ABCA4: variants seen among roughly 807,000 people sequenced by gnomAD.
The protein encoded by ABCA4 is ATP binding cassette subfamily A member 4.
In ABCA4, 196 loss-of-function variants were observed where a neutral mutation model predicts 263.7. That is an observed-to-expected ratio of 0.74 (90% CI 0.66 to 0.84). The LOEUF is 0.84. Among genes scored for constraint, ABCA4 ranks in the 40% least tolerant of loss-of-function variants. The pLI is 0.00. For missense variants in ABCA4, 2,792 were observed against 2,855.1 expected (o/e 0.98, Z 0.50); for synonymous variants, 1,133 against 1,094.2 (o/e 1.04, Z -0.70).
Position 93,992,959 on chromosome 1 carries a change from T to A in ABCA4, c.*278A>T, listed in dbSNP as rs1236325681. The A allele has an allele frequency of 1.1e-5, 6 of 523,382 alleles. No individual in the cohort carries two copies. Among genetic ancestry groups the A allele is most frequent in the African/African-American group, 1.9e-5 (1 of 52,256 alleles). 32.4% of individuals were successfully genotyped at this position (523,382 alleles called of 1,614,324 possible). ...AGAGCAATATGGAGGCCAAAGCTGC[T>A]AGTGGGATGGCCCGGGGTTTCTAGT... On this transcript the variant is annotated 3_prime_UTR_variant, in exon 50 of 50. Coordinates refer to ENST00000370225, the MANE Select transcript of ABCA4 (RefSeq NM_000350.3).
intron 38 of ABCA4, among the ~76,000 whole-genome samples, chr1:94,012,913 G>GCA (rs1659592096): frequency 6.6e-6 from 1 of 152,186 alleles, no homozygotes. Context: ...ATCTCACACG[G>GCA]GCCGGCAGCT....
intron 38 of ABCA4, among the ~76,000 whole-genome samples, chr1:94,013,147 G>A (rs1659599214): frequency 6.6e-6 from 1 of 152,216 alleles, no homozygotes; most frequent in Non-Finnish European, 1.5e-5. Flanking sequence ...TGAGCCTGTG[G>A]CAAACACAGC....
chr1:94,046,540 A>G (rs916226439), intron 19 of ABCA4, among the ~76,000 whole-genome samples: 13 of 151,670 alleles, frequency 8.6e-5, no homozygotes, highest in Non-Finnish European at 1.6e-4. Context: ...GACAGTGGCC[A>G]TGACTTGATC....
intron 49 of ABCA4, among the ~76,000 whole-genome samples, chr1:93,994,915 T>C (rs557520272): frequency 5.3e-5 from 8 of 152,304 alleles, no homozygotes; most frequent in South Asian, 2.1e-4. Context: ...GGGGAGACCA[T>C]TGGTAATTCT....
rs281865386 is a variant in ABCA4 at position 94,078,579 on chromosome 1, A to ACC, written c.1356+9_1356+10dup. 3.4e-5 allele frequency: 38 copies of ACC among 1,126,482 alleles called. No individual in the cohort carries two copies. The highest frequency in any genetic ancestry group is 9.8e-5 in the South Asian group (8 of 81,376). The allele number at this position is 1,126,482 out of a possible 1,614,324, so 69.8% of individuals were successfully genotyped here. A position where few individuals can be genotyped will look rare whatever the true frequency, so the allele number is the denominator to read the frequency against. On this transcript the variant is annotated intron_variant, in intron 10 of 49. Coordinates refer to ENST00000370225, the MANE Select transcript of ABCA4 (RefSeq NM_000350.3). ...CCTCCCCTCCCCTCCCCATCCTCCA[A>ACC]CCCCCCTTACTCTGATCATGTTCAT... is the stretch of plus-strand genomic sequence containing the variant.
intron 21 of ABCA4, 106 bp downstream of exon 21, chr1:94,043,230 C>G: frequency 2.0e-6 from 3 of 1,517,818 alleles, no homozygotes; most frequent in Admixed American, 3.6e-5. Flanking sequence ...CAGAGGTGTT[C>G]CCACCCTTAG....
intron 6 of ABCA4, among the ~76,000 whole-genome samples, chr1:94,083,962 A>G (rs1464833488): frequency 6.6e-6 from 1 of 152,144 alleles, no homozygotes; most frequent in African/African-American, 2.4e-5. Context: ...CATCACCTTT[A>G]TTTTAAAGCA....
intron 17 of ABCA4, among the ~76,000 whole-genome samples, chr1:94,049,615 C>T (rs776109328): frequency 3.3e-5 from 5 of 152,126 alleles, no homozygotes; most frequent in Non-Finnish European, 5.9e-5. Flanking sequence ...CAGAGTGAGA[C>T]TCTGTCTCAA....
intron 34 of ABCA4, 100 bp from the exon 35 acceptor site, chr1:94,021,509 G>A: frequency 6.5e-7 from 1 of 1,545,246 alleles, no homozygotes; most frequent in Non-Finnish European, 8.9e-7. Flanking sequence ...GGGTTTGGTA[G>A]CTGGAAGACA....
At chr1:94,109,875 T>C (rs978850050) in intron 3 of ABCA4, among the ~76,000 whole-genome samples, 7 of 152,216 alleles carry the variant, frequency 4.6e-5, no homozygotes, top group African/African-American at 1.7e-4. Context: ...TCACTCATAA[T>C]GTGAGTGCAA....
In ABCA4 at chr1:94,076,857, G is replaced by A. The variant is rs1031635957; in HGVS notation, c.1554+833C>T. ...CAGAGAGCCTGGAATGCAAGAGGCAGAGTTGAGAGATATTTAGGAGGGAGA... is the reference window on the plus strand; with the variant it reads ...CAGAGAGCCTGGAATGCAAGAGGCAAAGTTGAGAGATATTTAGGAGGGAGA... On this transcript the variant is annotated intron_variant, in intron 11 of 49. Coordinates refer to ENST00000370225, the MANE Select transcript of ABCA4 (RefSeq NM_000350.3). Among the ~76,000 whole-genome samples the A allele has an allele frequency of 2.6e-5, 4 of 152,344 alleles. No individual in the cohort carries two copies. In the South Asian group the frequency reaches 8.3e-4, roughly 32 times the overall value.
intron 7 of ABCA4, among the ~76,000 whole-genome samples, chr1:94,081,484 C>T (rs902147294): frequency 1.3e-5 from 2 of 152,038 alleles, no homozygotes; most frequent in Non-Finnish European, 2.9e-5. Context: ...ATTTCTTTGG[C>T]TAAATAGTCT....
intron 14 of ABCA4, among the ~76,000 whole-genome samples, chr1:94,057,339 A>C (rs911973589): frequency 6.6e-6 from 1 of 152,210 alleles, no homozygotes; most frequent in Admixed American, 6.5e-5. Flanking sequence ...TGTGTTAAGT[A>C]AGCAAATCCT....
At chr1:94,099,063 C>G in intron 5 of ABCA4, 72 bp from the exon 6 acceptor site, 1 of 1,462,054 alleles carries the variant, frequency 6.8e-7, no homozygotes, top group South Asian at 1.2e-5. Context: ...ACCCACAGAA[C>G]CTGGGAATAC....
intron 30 of ABCA4, 94 bp downstream of exon 30, chr1:94,029,351 T>G: frequency 8.3e-7 from 1 of 1,208,878 alleles, no homozygotes; most frequent in Non-Finnish European, 1.1e-6. Flanking sequence ...CAGTTTGAAA[T>G]GTTAGTTTGT....
Position 94,047,851 on chromosome 1 carries a change from C to G in ABCA4, c.2744-758G>C, listed in dbSNP as rs75631840. 3.5e-4 allele frequency among the ~76,000 whole-genome samples: 54 copies of G among 152,324 alleles called. No homozygotes were observed. The East Asian group carries it at 0.01, about 29-fold the overall frequency. ...ACCCTCACCGAGTGCTCTCACTTCTCCCTGACCTCCCATCTATCCCTGCTT... is the reference window on the plus strand; with the variant it reads ...ACCCTCACCGAGTGCTCTCACTTCTGCCTGACCTCCCATCTATCCCTGCTT... On this transcript the variant is annotated intron_variant, in intron 18 of 49. Coordinates refer to ENST00000370225, the MANE Select transcript of ABCA4 (RefSeq NM_000350.3).
Position 93,993,130 on chromosome 1 carries a change from G to T in ABCA4, c.*107C>A. The T allele has an allele frequency of 6.9e-7, 1 of 1,442,426 alleles. No homozygotes were observed. The highest frequency in any genetic ancestry group is 9.7e-7 in the Non-Finnish European group (1 of 1,028,698). The allele number at this position is 1,442,426 out of a possible 1,614,324, so 89.4% of individuals were successfully genotyped here. Reference sequence around the variant, plus strand: ...TGTGTTTGTTTTCTGCTGCAGTGGGGTCATTTACGCTGGCCAGTCCATTTG... The same window carrying T: ...TGTGTTTGTTTTCTGCTGCAGTGGGTTCATTTACGCTGGCCAGTCCATTTG... On this transcript the variant is annotated 3_prime_UTR_variant, in exon 50 of 50. Transcript: ENST00000370225.
chr1:94,023,457 G>A, intron 31 of ABCA4, 39 bp from the exon 32 acceptor site: 1 of 1,508,156 alleles, frequency 6.6e-7, no homozygotes, highest in South Asian at 1.1e-5. Context: ...AATACCACAA[G>A]TACAGCAGTG....
intron 24 of ABCA4, among the ~76,000 whole-genome samples, chr1:94,039,726 C>A (rs1306947682): frequency 1.3e-5 from 2 of 152,198 alleles, no homozygotes; most frequent in Non-Finnish European, 2.9e-5. Context: ...AAGAAGCTCT[C>A]CCCAGACACT....
Sources: allele counts gnomAD v4.1 joint callset (sites outside exome capture counted in the v4.1 genomes callset), GRCh38; gene constraint gnomAD v4.1.1; transcripts MANE v1.5; gene names NCBI Gene and HGNC (gene_info 2026-07-23, HGNC 2026-07-21).